SV2C: variants seen among roughly 807,000 people sequenced by gnomAD.
SV2C encodes the protein synaptic vesicle glycoprotein 2C, also known as solute carrier family 22 member B3.
In SV2C, 49 loss-of-function variants were observed where a neutral mutation model predicts 79.7. That is an observed-to-expected ratio of 0.61 (90% confidence interval 0.49 to 0.78). The LOEUF (loss-of-function observed/expected upper bound fraction) is 0.78. SV2C is among the 30% of genes least tolerant of loss of function. The pLI is 0.00. For missense variants in SV2C, 833 were observed against 912.9 expected (o/e 0.91, Z 1.13); for synonymous variants, 334 against 333.2 (o/e 1.00, Z -0.03).
chr5:76,115,286 A>G (rs1485517896), intron 1 of SV2C, among the ~76,000 whole-genome samples: 4 of 152,200 alleles, frequency 2.6e-5, no homozygotes, highest in African/African-American at 9.7e-5. Flanking sequence ...AGTTTTAAAT[A>G]TGCAAGATAG....
the SV2C span, among the ~76,000 whole-genome samples, chr5:76,062,369 C>T: frequency 6.6e-6 from 1 of 151,980 alleles, no homozygotes; most frequent in Non-Finnish European, 1.5e-5. Flanking sequence ...CCATCTTCTG[C>T]CATGAGACAG....
At chr5:76,240,183 G>A (rs543126826) in intron 4 of SV2C, among the ~76,000 whole-genome samples, 1 of 152,314 alleles carries the variant, frequency 6.6e-6, no homozygotes, top group African/African-American at 2.4e-5. Context: ...GCACGTGTGA[G>A]GGAGAACATA....
intron 12 of SV2C, among the ~76,000 whole-genome samples, chr5:76,321,921 C>A (rs1426203487): frequency 2.0e-5 from 3 of 152,044 alleles, no homozygotes; most frequent in African/African-American, 7.2e-5. Context: ...ACAATTGATT[C>A]TCTTCTGTCA....
At chr5:76,171,915 C>T in intron 2 of SV2C, among the ~76,000 whole-genome samples, 3 of 120,122 alleles carry the variant, frequency 2.5e-5, no homozygotes, top group African/African-American at 6.1e-5. Flanking sequence ...CCCGGCCAGC[C>T]GCCCCGTCCG....
At chr5:76,295,234 C>T (rs1156563289) in intron 8 of SV2C, among the ~76,000 whole-genome samples, 3 of 152,180 alleles carry the variant, frequency 2.0e-5, no homozygotes, top group Admixed American at 1.3e-4. Flanking sequence ...GTCTCTGCTT[C>T]CAAGATGGCA....
chr5:76,175,542 A>G (rs1470006273), intron 2 of SV2C, among the ~76,000 whole-genome samples: 2 of 152,298 alleles, frequency 1.3e-5, no homozygotes, highest in South Asian at 4.1e-4. Context: ...CAGAAGAGTA[A>G]CATGGTGCTA....
At chr5:76,056,122 C>T in the SV2C span, among the ~76,000 whole-genome samples, 1 of 152,148 alleles carries the variant, frequency 6.6e-6, no homozygotes, top group African/African-American at 2.4e-5. Context: ...ATGCTATTAG[C>T]TATGGGTTTG....
chr5:76,313,642 C>G (rs1748529957), intron 12 of SV2C, among the ~76,000 whole-genome samples: 1 of 152,282 alleles, frequency 6.6e-6, no homozygotes. Context: ...AGCAGGGCCA[C>G]CAGACTTGTG....
At chr5:75,882,413 T>A in the SV2C span, among the ~76,000 whole-genome samples, 10,126 of 137,228 alleles carry the variant, frequency 0.074, 469 homozygotes, top group African/African-American at 0.13. Flanking sequence ...AAAGTTCATA[T>A]GGAACCAAAA....
the SV2C span, among the ~76,000 whole-genome samples, chr5:75,957,612 C>T: frequency 6.6e-6 from 1 of 152,056 alleles, no homozygotes; most frequent in Non-Finnish European, 1.5e-5. Context: ...TTTCTTTGAT[C>T]AGCTTGACAT....
At chr5:76,073,524 T>C in the SV2C span, among the ~76,000 whole-genome samples, 16 of 126,400 alleles carry the variant, frequency 1.3e-4, no homozygotes, top group African/African-American at 5.2e-4. Context: ...TATATATATA[T>C]ATATATATAT....
chr5:76,049,449 C>T, the SV2C span, among the ~76,000 whole-genome samples: 3 of 151,732 alleles, frequency 2.0e-5, no homozygotes, highest in Non-Finnish European at 2.9e-5. Context: ...AAGAAAAATA[C>T]CTACATAGGA....
the SV2C span, among the ~76,000 whole-genome samples, chr5:75,869,653 G>A: frequency 6.6e-6 from 1 of 152,166 alleles, no homozygotes; most frequent in African/African-American, 2.4e-5. Flanking sequence ...TCAGGGCCTT[G>A]AGTAAACATA....
At chr5:76,206,019 A>T (rs1278888520) in intron 3 of SV2C, among the ~76,000 whole-genome samples, 2 of 152,152 alleles carry the variant, frequency 1.3e-5, no homozygotes, top group African/African-American at 4.8e-5. Context: ...TTTCATTTAC[A>T]TTTTTTTAAT....
At position 76,220,617 on chromosome 5, in the gene SV2C, T is replaced by TAAA. The variant is rs5868813; in HGVS notation, c.913+10747_913+10749dup. Among the ~76,000 whole-genome samples the TAAA allele has an allele frequency of 1.8e-3, 229 of 127,632 alleles. 1 individual carries two copies. The highest frequency in any genetic ancestry group is 6.0e-3 in the African/African-American group (206 of 34,342). The allele number at this position is 127,632 out of a possible 152,430, so 83.7% of individuals were successfully genotyped here. Reference sequence around the variant, plus strand: ...AACTTCCCGGGAAGGGACACTGTCTTAAAAAAAAAAAAAAAAAAAGAATTG... The same window carrying TAAA: ...AACTTCCCGGGAAGGGACACTGTCTTAAAAAAAAAAAAAAAAAAAAAAGAATTG... On this transcript the variant is annotated intron_variant, in intron 4 of 12. Coordinates refer to ENST00000502798, the MANE Select transcript of SV2C (RefSeq NM_014979.4).
intron 1 of SV2C, among the ~76,000 whole-genome samples, chr5:76,125,774 A>G (rs1221195033): frequency 6.6e-6 from 1 of 152,128 alleles, no homozygotes; most frequent in South Asian, 2.1e-4. Context: ...TAATAACATT[A>G]AGGCCAGGTG....
At chr5:76,123,320 T>G (rs1046833086) in intron 1 of SV2C, among the ~76,000 whole-genome samples, 5 of 152,158 alleles carry the variant, frequency 3.3e-5, no homozygotes, top group African/African-American at 1.2e-4. Context: ...TGGCACCATT[T>G]CTTCTGAAAC....
intron 8 of SV2C, among the ~76,000 whole-genome samples, chr5:76,293,256 A>T (rs1747620720): frequency 6.6e-6 from 1 of 152,228 alleles, no homozygotes; most frequent in Admixed American, 6.5e-5. Context: ...TTAAGTGCTT[A>T]CTCTGTACCT....
At chr5:76,082,637 C>A (rs1394637947), upstream of SV2C, among the ~76,000 whole-genome samples, 1 of 99,284 alleles carries the variant, frequency 1.0e-5, no homozygotes, top group Non-Finnish European at 2.6e-5. Context: ...TCTCTCCACC[C>A]CCCCCCCCTC....
Sources: gnomAD v4.1 joint callset for allele counts (sites outside exome capture counted in the v4.1 genomes callset) on GRCh38, gnomAD v4.1.1 for gene constraint, MANE v1.5 for transcripts, NCBI Gene and HGNC (gene_info 2026-07-23, HGNC 2026-07-21) for gene names.